The following SETD2 variants were observed in gnomAD, a reference collection of about 807,000 sequenced individuals.
The protein encoded by SETD2 is histone-lysine N-methyltransferase SETD2.
Under a neutral mutation model 242.1 loss-of-function variants are expected in SETD2, and 31 were observed. The ratio of observed to expected loss-of-function variants is 0.13; its 90% CI spans 0.10 to 0.17. SETD2 has a LOEUF of 0.17. Among genes scored for constraint, SETD2 ranks in the 10% least tolerant of loss-of-function variants. The pLI, the probability that SETD2 is intolerant of heterozygous loss-of-function variation, is 1.00. For synonymous variants in SETD2, 1,006 were observed against 1,066.5 expected, an observed-to-expected ratio of 0.94 and a Z score of 1.11; for missense variants, 2,481 against 3,046.3, an observed-to-expected ratio of 0.81 and a Z score of 4.37.
Position 47,164,030 on chromosome 3 carries a change from GGCGGC to G in SETD2, c.-111_-107del. 1 of 1,224,026 alleles carries G rather than the reference GGCGGC, an allele frequency of 8.2e-7. No homozygotes were observed. Among genetic ancestry groups the G allele is most frequent in the African/African-American group, 1.6e-5 (1 of 63,370 alleles). The allele number at this position is 1,224,026 out of a possible 1,614,324, so 75.8% of individuals were successfully genotyped here. On this transcript the variant is annotated 5_prime_UTR_variant, in exon 1 of 21. Transcript: ENST00000409792. The surrounding 1 kb of genome is among the most constrained non-coding windows in gnomAD (Gnocchi z 5.4). ...GTCCGACCGCGGCGGCGGCGGCGGC[GGCGGC>G]GGCGGCGGCAGGGGCGGCCCGCGTC...
chr3:47,088,075 CA>C, intron 10 of SETD2, 37 bp downstream of exon 10: 1 of 1,584,954 alleles, frequency 6.3e-7, no homozygotes, highest in South Asian at 1.2e-5. Flanking sequence ...ATTCCCACCA[CA>C]AAACCAGAAA....
chr3:47,072,587 A>G (rs1037038343), intron 12 of SETD2, among the ~76,000 whole-genome samples: 4 of 152,032 alleles, frequency 2.6e-5, no homozygotes, highest in Non-Finnish European at 4.4e-5. Flanking sequence ...TTGGGAGGCC[A>G]AGGCAGGCAG....
chr3:47,140,846 C>T (rs1434627679), intron 1 of SETD2, among the ~76,000 whole-genome samples: 2 of 152,028 alleles, frequency 1.3e-5, no homozygotes, highest in African/African-American at 4.8e-5. Context: ...CTGGGTGACA[C>T]AGCGAGACTC....
In SETD2 at chr3:47,120,926, A is replaced by T. The variant is rs780705204; in HGVS notation, c.3710T>A (p.Phe1237Tyr). The change falls in exon 3 of 21, where the codon TTT becomes TAT. Residue 1237 changes from phenylalanine (F) to tyrosine (Y), a missense_variant. Around this residue, in one of 17 missense-constraint regions of SETD2, gnomAD observed 1,300 missense variants for 1,259.2 expected, o/e 1.03. Transcript: ENST00000409792. ...DSRLGKTELSFSSSCEIPHVD... is the reference protein window; with the variant it reads ...DSRLGKTELSYSSSCEIPHVD... ...ATGTGGTATCTCACAAGAGGAAGAAAAACTCAATTCTGTTTTTCCCAGTCT... is the reference window on the plus strand; with the variant it reads ...ATGTGGTATCTCACAAGAGGAAGAATAACTCAATTCTGTTTTTCCCAGTCT... 6.2e-6 allele frequency: 10 copies of T among 1,614,104 alleles called. No individual in the cohort carries two copies. Among genetic ancestry groups the T allele is most frequent in the Non-Finnish European group, 6.8e-6 (8 of 1,180,036 alleles).
chr3:47,113,161 T>C lies in SETD2; in HGVS notation c.4715+715A>G, dbSNP rs11130114. ...CACTGCCATCCAGGCTAGAATGCAG[T>C]GGCGTGATCACAGCTCACTGTAACC... On this transcript the variant is annotated intron_variant, in intron 5 of 20. Transcript: ENST00000409792. 2.0e-5 allele frequency among the ~76,000 whole-genome samples: 3 copies of C among 151,292 alleles called. No individual in the cohort carries two copies. The Middle Eastern group carries it at 0.01, about 518-fold the overall frequency.
At chr3:47,035,371 T>C (rs1306187456) in intron 18 of SETD2, among the ~76,000 whole-genome samples, 1 of 152,222 alleles carries the variant, frequency 6.6e-6, no homozygotes, top group Admixed American at 6.5e-5. Context: ...CAAATGTTAC[T>C]GATCAAATCA....
intron 12 of SETD2, among the ~76,000 whole-genome samples, chr3:47,067,326 T>C (rs2040599763): frequency 1.3e-5 from 2 of 151,734 alleles, no homozygotes; most frequent in African/African-American, 4.8e-5. Context: ...AATACATATA[T>C]TTACATCTAT....
chr3:47,119,917 C>A, intron 3 of SETD2: 1 of 409,418 alleles, frequency 2.4e-6, no homozygotes, highest in South Asian at 3.2e-5. Flanking sequence ...CTGGGCTAGC[C>A]TAAATTGTAC....
chr3:47,135,731 C>CT (rs1575833752), intron 1 of SETD2, among the ~76,000 whole-genome samples: 1 of 152,202 alleles, frequency 6.6e-6, no homozygotes, highest in Non-Finnish European at 1.5e-5. Context: ...CCCCAAATCT[C>CT]TATCACCATG....
chr3:47,071,847 T>C (rs891350688), intron 12 of SETD2, among the ~76,000 whole-genome samples: 5 of 152,172 alleles, frequency 3.3e-5, no homozygotes, highest in African/African-American at 1.2e-4. Context: ...AAGGTACTCA[T>C]TGGAAGCAAT....
At chr3:47,045,036 T>C (rs908130680) in intron 16 of SETD2, among the ~76,000 whole-genome samples, 1 of 152,168 alleles carries the variant, frequency 6.6e-6, no homozygotes, top group African/African-American at 2.4e-5. Flanking sequence ...CCCGTGAAGC[T>C]CAGATAAGGG....
chr3:47,101,798 T>C (rs944757296), intron 7 of SETD2, among the ~76,000 whole-genome samples: 2 of 152,018 alleles, frequency 1.3e-5, no homozygotes, highest in African/African-American at 2.4e-5. Flanking sequence ...TATCTCTAAT[T>C]CGTCTCTAAT....
intron 18 of SETD2, among the ~76,000 whole-genome samples, chr3:47,022,031 C>T (rs569594987): frequency 4.8e-5 from 7 of 146,764 alleles, no homozygotes; most frequent in African/African-American, 1.7e-4. Context: ...CCTGTAGTCC[C>T]AGCTACTTGG....
At chr3:47,039,856 G>T (rs915584608) in intron 17 of SETD2, among the ~76,000 whole-genome samples, 8 of 146,108 alleles carry the variant, frequency 5.5e-5, no homozygotes, top group Non-Finnish European at 7.5e-5. Flanking sequence ...GCACTCCAGC[G>T]TGGGCAACAA....
At chr3:47,046,141 G>A (rs1438863449) in intron 16 of SETD2, among the ~76,000 whole-genome samples, 2 of 151,068 alleles carry the variant, frequency 1.3e-5, no homozygotes, top group South Asian at 2.1e-4. Flanking sequence ...AGGTCAAGAC[G>A]AGCCTGGTCA....
Position 47,017,381 on chromosome 3 carries a change from AG to A in SETD2, c.7534-128del. ...TTCTCACCAAGACAGGAAGTTAATA[AG>A]GGGGTAGATGTTGGGGCAGGCTGGT... On this transcript the variant is annotated intron_variant, in intron 20 of 20. Coordinates refer to ENST00000409792, the MANE Select transcript of SETD2 (RefSeq NM_014159.7). This position sits in a 1 kb window ranked among gnomAD's most constrained non-coding sequence, Gnocchi z 4.8. 1 of 1,015,286 alleles carries A rather than the reference AG, an allele frequency of 9.8e-7. No individual in the cohort carries two copies. 62.9% of individuals were successfully genotyped at this position (1,015,286 alleles called of 1,614,324 possible). A position where few individuals can be genotyped will look rare whatever the true frequency, so the allele number is the denominator to read the frequency against.
intron 6 of SETD2, among the ~76,000 whole-genome samples, chr3:47,105,184 T>C (rs1420725383): frequency 1.3e-5 from 2 of 151,994 alleles, no homozygotes; most frequent in East Asian, 1.9e-4. Context: ...CTGAGGCACA[T>C]GGATTGCTTG....
chr3:47,154,478 A>G (rs1046539395), intron 1 of SETD2, among the ~76,000 whole-genome samples: 2 of 152,176 alleles, frequency 1.3e-5, no homozygotes, highest in Non-Finnish European at 2.9e-5. Context: ...AATGTAGGAA[A>G]AAGGCAGAAA....
intron 1 of SETD2, among the ~76,000 whole-genome samples, chr3:47,146,457 G>A (rs987948785): frequency 3.3e-5 from 5 of 151,834 alleles, no homozygotes; most frequent in African/African-American, 9.7e-5. Context: ...GCGAAACCCC[G>A]TCTCTACTAA....
Sources: allele counts gnomAD v4.1 joint callset (sites outside exome capture counted in the v4.1 genomes callset), GRCh38; gene constraint gnomAD v4.1.1; regional missense constraint gnomAD v4.1.1; non-coding constraint Gnocchi (gnomAD v3.1); transcripts MANE v1.5; gene names NCBI Gene and HGNC (gene_info 2026-07-23, HGNC 2026-07-21).